MLXIP: variants seen among roughly 807,000 people sequenced by gnomAD.
The protein encoded by MLXIP is MLX-interacting protein.
MLXIP carries 30 observed loss-of-function variants against 87.2 expected under a neutral mutation model. The ratio of observed to expected loss-of-function variants is 0.34; its 90% confidence interval spans 0.26 to 0.47. The LOEUF (loss-of-function observed/expected upper bound fraction) is 0.47. Among genes scored for constraint, MLXIP ranks in the 20% least tolerant of loss-of-function variants. MLXIP has a pLI of 1.00. For missense variants in MLXIP, 1,002 were observed against 1,240.1 expected, an observed-to-expected ratio of 0.81 and a Z score of 2.88; for synonymous variants, 530 against 514.0, an observed-to-expected ratio of 1.03 and a Z score of -0.42.
intron 1 of MLXIP, among the ~76,000 whole-genome samples, chr12:122,121,241 C>T (rs903760512): frequency 2.7e-5 from 4 of 150,122 alleles, no homozygotes; most frequent in African/African-American, 9.8e-5. Flanking sequence ...ATCTCTTGAC[C>T]TCATGATCTG....
chr12:122,114,764 G>GA (rs1952663450), intron 1 of MLXIP, among the ~76,000 whole-genome samples: 1 of 150,722 alleles, frequency 6.6e-6, no homozygotes, highest in African/African-American at 2.4e-5. Context: ...TTGGTGGGGG[G>GA]GGACAGGGTC....
chr12:122,110,336 G>A (rs1952584757), intron 1 of MLXIP, among the ~76,000 whole-genome samples: 1 of 151,970 alleles, frequency 6.6e-6, no homozygotes, highest in African/African-American at 2.4e-5. Flanking sequence ...TGCCCAGGCT[G>A]GAGTGCAATG....
chr12:122,130,666 T>C (rs1952962058), intron 6 of MLXIP, among the ~76,000 whole-genome samples, 178 bp from the exon 7 acceptor site: 1 of 151,924 alleles, frequency 6.6e-6, no homozygotes, highest in Non-Finnish European at 1.5e-5. Context: ...AAACTTACTT[T>C]CCTGCCTTTT....
chr12:122,101,726 C>T (rs1952441625), intron 1 of MLXIP, among the ~76,000 whole-genome samples: 1 of 151,338 alleles, frequency 6.6e-6, no homozygotes. Context: ...GATTACAGGC[C>T]CATGCCACCA....
chr12:122,141,949 G>T lies in MLXIP; in HGVS notation c.*137G>T. 1.5e-6 allele frequency: 2 copies of T among 1,345,380 alleles called. 1 individual carries two copies. The highest frequency in any genetic ancestry group is 2.8e-5 in the South Asian group (2 of 72,208). The allele number at this position is 1,345,380 out of a possible 1,614,324, so 83.3% of individuals were successfully genotyped here. ...AACTCTGCCGGCCCACCGTGGCATC[G>T]GGAGGCCATGCTCAGGTCTGAAGCA... On this transcript the variant is annotated 3_prime_UTR_variant, in exon 17 of 17. Coordinates refer to ENST00000319080, the MANE Select transcript of MLXIP (RefSeq NM_014938.6).
Position 122,094,259 on chromosome 12 carries a change from TGGTGTGTG to T in MLXIP, c.413+15002_413+15009del, listed in dbSNP as rs1952306977. On this transcript the variant is annotated intron_variant, in intron 1 of 16. Transcript: ENST00000319080. ...TCTGGTGTGGTATTGGTGTGTGTGT[TGGTGTGTG>T]GGTGTGTGCGATGTCTGTGTGTGGT... Among the ~76,000 whole-genome samples, 6 of 121,880 alleles carry T rather than the reference TGGTGTGTG, an allele frequency of 4.9e-5. No individual in the cohort carries two copies. The South Asian group carries it at 1.7e-3, about 34-fold the overall frequency. 80.0% of individuals were successfully genotyped at this position (121,880 alleles called of 152,430 possible).
rs368449245 is a variant in MLXIP, at chr12:122,127,999, G to A, written c.606+31G>A. The A allele has an allele frequency of 8.8e-6, 14 of 1,587,210 alleles. No homozygotes were observed. The East Asian group carries it at 8.9e-5, about 10-fold the overall frequency. On this transcript the variant is annotated intron_variant, in intron 3 of 16. Transcript: ENST00000319080. Reference sequence around the variant, plus strand: ...TGGCAGTGACCAAGGGTGGCTGAGAGTGGAAACATACCAGCACCTCACCGG... The same window carrying A: ...TGGCAGTGACCAAGGGTGGCTGAGAATGGAAACATACCAGCACCTCACCGG...
At position 122,121,010 on chromosome 12, in the gene MLXIP, G is replaced by GTTTTTTTTTTTTTTTTT. The variant is rs1233404015; in HGVS notation, c.414-6244_414-6228dup. 3.0e-3 allele frequency among the ~76,000 whole-genome samples: 340 copies of GTTTTTTTTTTTTTTTTT among 111,836 alleles called. 33 individuals are homozygous for GTTTTTTTTTTTTTTTTT. The highest frequency in any genetic ancestry group is 5.3e-3 in the African/African-American group (145 of 27,450). 73.4% of individuals were successfully genotyped at this position (111,836 alleles called of 152,430 possible). A position where few individuals can be genotyped will look rare whatever the true frequency, so the allele number is the denominator to read the frequency against. On this transcript the variant is annotated intron_variant, in intron 1 of 16. Coordinates refer to ENST00000319080, the MANE Select transcript of MLXIP (RefSeq NM_014938.6). ...AGCCCCAGAGCCCTCTGCATGCTTG[G>GTTTTTTTTTTTTTTTTT]TTTTTTTTTTTTTTTTTTGAAACGG...
intron 11 of MLXIP, chr12:122,136,538 AG>A (rs1340129225): frequency 6.7e-6 from 1 of 149,782 alleles, no homozygotes; most frequent in Non-Finnish European, 1.5e-5. Context: ...CCGAGATGGG[AG>A]AATCACTTGA....
At position 122,110,638 on chromosome 12, in the gene MLXIP, G is replaced by A. The variant is rs544346490; in HGVS notation, c.414-16618G>A. ...AATTAAAATTTAGCTGGGCATGGTG[G>A]TGCATGCCTGTAGTCCCAAATTCTT... On this transcript the variant is annotated intron_variant, in intron 1 of 16. Transcript: ENST00000319080. Among the ~76,000 whole-genome samples, 321 of 152,134 alleles carry A rather than the reference G, an allele frequency of 2.1e-3. 1 individual carries two copies. The highest frequency in any genetic ancestry group is 7.3e-3 in the African/African-American group (303 of 41,518).
intron 1 of MLXIP, among the ~76,000 whole-genome samples, chr12:122,088,144 T>C (rs1952195074): frequency 6.6e-6 from 1 of 152,150 alleles, no homozygotes; most frequent in Non-Finnish European, 1.5e-5. Flanking sequence ...TACTTTGCCC[T>C]ACCCAGGTGC....
intron 1 of MLXIP, 137 bp downstream of exon 1, chr12:122,079,403 G>A: frequency 2.6e-6 from 2 of 775,592 alleles, no homozygotes; most frequent in Non-Finnish European, 4.1e-6. Context: ...GAGGGTTTAT[G>A]GATCTGGGGT....
chr12:122,138,057 G>A (rs1177542130), intron 12 of MLXIP, 137 bp from the exon 13 acceptor site: 3 of 692,148 alleles, frequency 4.3e-6, no homozygotes, highest in Non-Finnish European at 7.3e-6. Context: ...GGAGCCTTCA[G>A]CTTCTCGTCG....
At chr12:122,129,257 C>A in intron 4 of MLXIP, 31 bp downstream of exon 4, 3 of 1,568,578 alleles carry the variant, frequency 1.9e-6, no homozygotes, top group Non-Finnish European at 2.6e-6. Context: ...GGCAGCCCGC[C>A]TAGGGAGGGA....
chr12:122,139,755 C>T (rs1296045050), intron 15 of MLXIP, among the ~76,000 whole-genome samples: 1 of 152,236 alleles, frequency 6.6e-6, no homozygotes, highest in Non-Finnish European at 1.5e-5. Flanking sequence ...TCACTGCAGC[C>T]TCCACCTTCC....
chr12:122,123,701 TTTTG>T (rs749521989), intron 1 of MLXIP, among the ~76,000 whole-genome samples: 8 of 152,096 alleles, frequency 5.3e-5, no homozygotes, highest in Non-Finnish European at 1.0e-4. Flanking sequence ...GGTTGGTTAT[TTTTG>T]TTTGTTTGTT....
At chr12:122,138,972 C>T in intron 15 of MLXIP, 34 bp downstream of exon 15, 1 of 1,612,032 alleles carries the variant, frequency 6.2e-7, no homozygotes, top group Non-Finnish European at 8.5e-7. Context: ...TCTTCCCGGC[C>T]CTCAGCCAAT....
At chr12:122,097,851 C>A (rs550495175) in intron 1 of MLXIP, among the ~76,000 whole-genome samples, 2 of 151,930 alleles carry the variant, frequency 1.3e-5, no homozygotes, top group East Asian at 1.9e-4. Flanking sequence ...TGGGTTCCCC[C>A]TCCCCACAAG....
chr12:122,098,515 C>T (rs1952389828), intron 1 of MLXIP, among the ~76,000 whole-genome samples: 12 of 152,184 alleles, frequency 7.9e-5, no homozygotes, highest in Admixed American at 7.9e-4. Flanking sequence ...TTGAGCTGCC[C>T]AGTAGGCGAC....
Sources: gnomAD v4.1 joint callset for allele counts (sites outside exome capture counted in the v4.1 genomes callset) on GRCh38, gnomAD v4.1.1 for gene constraint, MANE v1.5 for transcripts, NCBI Gene and HGNC (gene_info 2026-07-23, HGNC 2026-07-21) for gene names.